The following FAM186A variants were observed in gnomAD, a reference collection of about 807,000 sequenced individuals.
FAM186A encodes the protein protein FAM186A.
FAM186A carries 163 observed loss-of-function variants against 216.8 expected under a neutral mutation model. The ratio of observed to expected loss-of-function variants is 0.75; its 90% CI spans 0.66 to 0.86. FAM186A has a LOEUF of 0.86. Among genes scored for constraint, FAM186A ranks in the 40% least tolerant of loss-of-function variants. FAM186A has a pLI of 0.00. For missense variants in FAM186A, 2,184 were observed against 2,746.2 expected (o/e 0.80, Z 4.58); for synonymous variants, 805 against 1,025.3 (o/e 0.79, Z 4.10).
Position 50,351,155 on chromosome 12 carries a change from T to C in FAM186A, c.5677A>G (p.Thr1893Ala). ...EQLQEFQPPA[T>A]AEQSPYLQAP... ...TGCAGATAGGGAGATTGCTCAGCAG[T>C]GGCAGGAGGCTGGAATTCCTGGAGC... Residue 1893 changes from threonine to alanine, a missense_variant, in exon 4 of 8, where the codon ACT (threonine) becomes GCT (alanine). Around this residue, in one of 7 missense-constraint regions of FAM186A, gnomAD observed 721 missense variants for 816.4 expected, o/e 0.88. Coordinates refer to ENST00000327337, the MANE Select transcript of FAM186A (RefSeq NM_001145475.3). The C allele has an allele frequency of 2.6e-6, 4 of 1,551,510 alleles. No homozygotes were observed. The highest frequency in any genetic ancestry group is 3.5e-6 in the Non-Finnish European group (4 of 1,146,950).
In FAM186A at chr12:50,352,878, C is replaced by T. The variant is rs1418854392; in HGVS notation, c.3954G>A (p.Gln1318=). 2 of 1,537,944 alleles carry T rather than the reference C, an allele frequency of 1.3e-6. No homozygotes were observed. The highest frequency in any genetic ancestry group is 1.8e-6 in the Non-Finnish European group (2 of 1,139,824). Residue 1318 remains glutamine, a synonymous_variant, in exon 4 of 8, where the codon CAG becomes CAA. Coordinates refer to ENST00000327337, the MANE Select transcript of FAM186A (RefSeq NM_001145475.3). ...AQALGIPFTP[Q]QAQALGIPLT... ...GAGGGATCCCCAGGGCCTGCGCCTG[C>T]TGAGGGGTGAAAGGGATCCCCAGAG...
intron 3 of FAM186A, among the ~76,000 whole-genome samples, chr12:50,360,254 A>G (rs1049272429): frequency 3.3e-5 from 5 of 151,510 alleles, no homozygotes; most frequent in Non-Finnish European, 5.9e-5. Flanking sequence ...AAAAAAAAAA[A>G]AAAAAAATTA....
intron 1 of FAM186A, among the ~76,000 whole-genome samples, chr12:50,377,558 C>T (rs11169403): frequency 0.012 from 1,777 of 152,214 alleles, 45 homozygotes; most frequent in African/African-American, 0.041. Context: ...CAAGGCCAGG[C>T]GCAGTGGCTC....
chr12:50,393,250 C>T (rs1359620793), intron 1 of FAM186A, among the ~76,000 whole-genome samples: 3 of 151,530 alleles, frequency 2.0e-5, no homozygotes, highest in Non-Finnish European at 4.4e-5. Context: ...TTAAAATGTA[C>T]ATTTTGGCTG....
In FAM186A at chr12:50,354,128, C is replaced by T. The variant is rs1444381565; in HGVS notation, c.2704G>A (p.Glu902Lys). Residue 902 changes from glutamate (E) to lysine (K), a missense_variant, in exon 4 of 8, where the codon GAG becomes AAG. By Grantham distance (56) the Glu-to-Lys change is moderately conservative. Coordinates refer to ENST00000327337, the MANE Select transcript of FAM186A (RefSeq NM_001145475.3). ...CTTTGCTTTTGCTTTTCCTCTTGCT[C>T]AGCCTGCTTTGGAGTTGCCTGTTTT... ...EQKQATPKQAEQEEKQKQRGQ... is the reference protein window; with the variant it reads ...EQKQATPKQAKQEEKQKQRGQ... 5 of 1,551,628 alleles carry T rather than the reference C, an allele frequency of 3.2e-6. No homozygotes were observed. The highest frequency in any genetic ancestry group is 3.5e-6 in the Non-Finnish European group (4 of 1,147,006).
chr12:50,334,171 G>C, intron 4 of FAM186A, 68 bp from the exon 5 acceptor site: 1 of 1,273,508 alleles, frequency 7.9e-7, no homozygotes, highest in Non-Finnish European at 1.0e-6. Context: ...CTTGTCCTCA[G>C]TTTCTTTTTT....
chr12:50,358,105 T>G (rs1453328796), intron 3 of FAM186A, among the ~76,000 whole-genome samples: 1 of 152,112 alleles, frequency 6.6e-6, no homozygotes, highest in South Asian at 2.1e-4. Context: ...CCTCTCTTAT[T>G]GAACCCTGAG....
intron 4 of FAM186A, among the ~76,000 whole-genome samples, chr12:50,346,834 G>A (rs1253651424): frequency 6.6e-6 from 1 of 151,572 alleles, no homozygotes; most frequent in Admixed American, 6.6e-5. Context: ...GCAGCAGAGC[G>A]ACACTCTGTT....
chr12:50,355,148 C>T lies in FAM186A; in HGVS notation c.1684G>A (p.Ala562Thr). 6.4e-7 allele frequency: 1 copy of T among 1,551,642 alleles called. No individual in the cohort carries two copies. Among genetic ancestry groups the T allele is most frequent in the Non-Finnish European group, 8.7e-7 (1 of 1,146,978 alleles). Residue 562 changes from alanine to threonine, a missense_variant, in exon 4 of 8, where the codon GCA (alanine) becomes ACA (threonine). Transcript: ENST00000327337. ...RESPFDKRPT[A>T]AEIKVEPTTE... is the part of the protein sequence containing the mutation. ...GTGGGTTCCACTTTAATCTCTGCTG[C>T]AGTTGGACGTTTGTCAAATGGAGAT...
At chr12:50,335,113 T>C (rs768460262) in intron 4 of FAM186A, among the ~76,000 whole-genome samples, 1 of 151,844 alleles carries the variant, frequency 6.6e-6, no homozygotes, top group African/African-American at 2.4e-5. Context: ...TAAAAATAGC[T>C]GGGCATGGTG....
intron 1 of FAM186A, among the ~76,000 whole-genome samples, chr12:50,394,533 A>G (rs1943393832): frequency 6.6e-6 from 1 of 151,768 alleles, no homozygotes. Flanking sequence ...AGCCTGAACA[A>G]TAGCATGATA....
rs1294397047 is a variant in FAM186A at position 50,355,665 on chromosome 12, G to A, written c.1167C>T (p.Val389=). The change falls in exon 4 of 8, where the codon GTC becomes GTT. Residue 389 remains valine (V), a synonymous_variant. Transcript: ENST00000327337. The part of the protein sequence containing the change: ...DKELENIVDE[V]QRKETKDSGI... The stretch of plus-strand genomic sequence containing the variant: ...CAGAGTCCTTGGTCTCTTTTCTTTG[G>A]ACTTCATCTACAATATTTTCAAGTT... The A allele has an allele frequency of 6.4e-7, 1 of 1,550,770 alleles. No individual in the cohort carries two copies. The highest frequency in any genetic ancestry group is 2.0e-5 in the Admixed American group (1 of 50,786).
chr12:50,331,617 A>T, intron 6 of FAM186A, 53 bp downstream of exon 6: 1 of 1,497,958 alleles, frequency 6.7e-7, no homozygotes, highest in Non-Finnish European at 8.9e-7. Context: ...GGGAAAAAAA[A>T]ATTAGGTCCC....
At chr12:50,390,398 TG>T (rs953410288) in intron 1 of FAM186A, among the ~76,000 whole-genome samples, 1 of 152,216 alleles carries the variant, frequency 6.6e-6, no homozygotes, top group African/African-American at 2.4e-5. Context: ...AATTGACTGA[TG>T]GACTCTGACT....
At chr12:50,367,527 AAAAAAAAAG>A (rs1475944958) in intron 1 of FAM186A, among the ~76,000 whole-genome samples, 1 of 151,646 alleles carries the variant, frequency 6.6e-6, no homozygotes, top group Non-Finnish European at 1.5e-5. Flanking sequence ...AAAAAAAAAA[AAAAAAAAAG>A]AAAAGAAATA....
intron 1 of FAM186A, among the ~76,000 whole-genome samples, chr12:50,391,090 G>T (rs1298718476): frequency 6.6e-6 from 1 of 151,898 alleles, no homozygotes; most frequent in East Asian, 1.9e-4. Context: ...CCAGATTCAA[G>T]CAATTTTCCT....
chr12:50,344,818 T>A (rs1209106906), intron 4 of FAM186A, among the ~76,000 whole-genome samples: 2 of 151,676 alleles, frequency 1.3e-5, no homozygotes, highest in Non-Finnish European at 2.9e-5. Flanking sequence ...AATAAAAAAT[T>A]AAAAAATTAG....
intron 1 of FAM186A, among the ~76,000 whole-genome samples, chr12:50,368,306 CAGG>C (rs1010882720): frequency 7.2e-5 from 11 of 151,860 alleles, no homozygotes; most frequent in Admixed American, 1.3e-4. Context: ...GAGGCTGAGG[CAGG>C]AGAATTTCTT....
rs1215942470 is a variant in FAM186A at position 50,355,579 on chromosome 12, G to A, written c.1253C>T (p.Thr418Ile). 4.5e-6 allele frequency: 7 copies of A among 1,551,636 alleles called. No individual in the cohort carries two copies. The highest frequency in any genetic ancestry group is 6.1e-6 in the Non-Finnish European group (7 of 1,146,980). ...AGCAACAGGTTGCTGTCGTAGTTCAGTTAAATCTGGAGTTCTTTCAGCTTG... is the reference window on the plus strand; with the variant it reads ...AGCAACAGGTTGCTGTCGTAGTTCAATTAAATCTGGAGTTCTTTCAGCTTG... ...TAQAERTPDLTELRQQPVASE... is the reference protein window; with the variant it reads ...TAQAERTPDLIELRQQPVASE... The change falls in exon 4 of 8, where the codon ACT becomes ATT. Residue 418 changes from threonine (T) to isoleucine (I), a missense_variant. Transcript: ENST00000327337.
Sources: gnomAD v4.1 joint callset for allele counts (sites outside exome capture counted in the v4.1 genomes callset) on GRCh38, gnomAD v4.1.1 for gene constraint, gnomAD v4.1.1 regional missense constraint, MANE v1.5 for transcripts, NCBI Gene and HGNC (gene_info 2026-07-23, HGNC 2026-07-21) for gene names.